The following PTPRG variants were observed in gnomAD, a reference collection of about 807,000 sequenced individuals.
The protein encoded by PTPRG is protein tyrosine phosphatase receptor type G.
A neutral mutation model predicts 165.3 loss-of-function variants in PTPRG; 102 were observed. The observed-to-expected ratio is 0.62, with a 90% CI of 0.53 to 0.73. PTPRG has a LOEUF of 0.73. Ranked by LOEUF, PTPRG falls within the 30% of genes least tolerant of loss-of-function variation. The pLI is 0.00. For synonymous variants in PTPRG, 675 were observed against 669.5 expected (o/e 1.01, Z -0.13); for missense variants, 1,866 against 1,861.4 (o/e 1.00, Z -0.05).
intron 1 of PTPRG, among the ~76,000 whole-genome samples, chr3:61,598,546 G>A (rs920405125): frequency 1.3e-5 from 2 of 152,176 alleles, no homozygotes; most frequent in African/African-American, 2.4e-5. Context: ...ATCAGTTAAG[G>A]TGTGACTCCG....
At chr3:62,265,062 C>T (rs1016525274) in intron 17 of PTPRG, among the ~76,000 whole-genome samples, 75 of 151,538 alleles carry the variant, frequency 4.9e-4, no homozygotes, top group African/African-American at 1.7e-3. Context: ...AGCATCTTTT[C>T]GTGCTTATTG....
rs113946418 is a variant in PTPRG at position 61,912,805 on chromosome 3, T to A, written c.191-76820T>A. Among the ~76,000 whole-genome samples, 490 of 152,314 alleles carry A rather than the reference T, an allele frequency of 3.2e-3. 1 individual carries two copies. The highest frequency in any genetic ancestry group is 0.011 in the African/African-American group (477 of 41,576). ...GAATCATTTTAAGAGTGGTTTGATG[T>A]GGGTATTTTAGTTTACTGGCAGGAA... On this transcript the variant is annotated intron_variant, in intron 2 of 29. Coordinates refer to ENST00000474889, the MANE Select transcript of PTPRG (RefSeq NM_002841.4).
intron 1 of PTPRG, among the ~76,000 whole-genome samples, chr3:61,637,693 C>T (rs1055463049): frequency 3.3e-5 from 5 of 152,120 alleles, no homozygotes; most frequent in Non-Finnish European, 5.9e-5. Context: ...ATTGCTTCCA[C>T]GCCTCTGTCC....
intron 12 of PTPRG, 135 bp downstream of exon 12, chr3:62,204,085 A>G: frequency 7.2e-7 from 1 of 1,393,900 alleles, no homozygotes. Flanking sequence ...TGTCATAGAA[A>G]AGGTGCACAC....
chr3:62,079,806 G>T (rs1436708543), intron 5 of PTPRG, among the ~76,000 whole-genome samples: 1 of 152,164 alleles, frequency 6.6e-6, no homozygotes, highest in Admixed American at 6.5e-5. Context: ...TTCAATCTCA[G>T]TATCCTTATC....
intron 8 of PTPRG, among the ~76,000 whole-genome samples, chr3:62,171,141 A>G (rs577875831): frequency 2.9e-4 from 44 of 152,332 alleles, no homozygotes; most frequent in African/African-American, 1.1e-3. Context: ...TTGTGTGATT[A>G]TACCTGAATA....
intron 2 of PTPRG, among the ~76,000 whole-genome samples, chr3:61,857,264 C>G (rs987455188): frequency 1.3e-5 from 2 of 152,140 alleles, no homozygotes; most frequent in African/African-American, 4.8e-5. Context: ...TGCTCAAGTT[C>G]ATACAGACCT....
intron 1 of PTPRG, among the ~76,000 whole-genome samples, chr3:61,620,241 T>TC (rs1701412863): frequency 1.3e-5 from 2 of 152,098 alleles, no homozygotes; most frequent in Non-Finnish European, 2.9e-5. Context: ...AGCTTGTGTG[T>TC]CCCCCCTACT....
intron 1 of PTPRG, among the ~76,000 whole-genome samples, chr3:61,627,102 A>AG (rs1559530287): frequency 3.5e-5 from 1 of 28,818 alleles, no homozygotes; most frequent in Non-Finnish European, 7.5e-5. Context: ...GTTAAAAGCA[A>AG]ATTTTTTTTT....
In PTPRG at chr3:61,990,037, A is replaced by G. The variant is rs918271874; in HGVS notation, c.370+233A>G. Among the ~76,000 whole-genome samples the G allele has an allele frequency of 3.3e-5, 5 of 152,096 alleles. No individual in the cohort carries two copies. The East Asian group carries it at 9.6e-4, about 29-fold the overall frequency. On this transcript the variant is annotated intron_variant, in intron 3 of 29. Coordinates refer to ENST00000474889, the MANE Select transcript of PTPRG (RefSeq NM_002841.4). ...AACTATAGATAATAAAGTATTATAC[A>G]TCTAGACCTAGGGTAGTAGTGATTA... is the stretch of plus-strand genomic sequence containing the variant.
At chr3:61,885,661 CCTCTCCTCTCCTCT>C (rs2038009673) in intron 2 of PTPRG, among the ~76,000 whole-genome samples, 1 of 30,094 alleles carries the variant, frequency 3.3e-5, no homozygotes, top group African/African-American at 1.2e-4. Context: ...TTCCTTCTCT[CCTCTCCTCTCCTCT>C]CCTCTCCTCT....
At chr3:62,009,084 C>T (rs1207593844) in intron 4 of PTPRG, among the ~76,000 whole-genome samples, 2 of 152,204 alleles carry the variant, frequency 1.3e-5, no homozygotes, top group Admixed American at 6.5e-5. Context: ...TTCTTCATAT[C>T]TGGTTTTACC....
rs1702079126 is a variant in PTPRG, at chr3:62,271,861, G to A, written c.3182+306G>A. 6.6e-6 allele frequency among the ~76,000 whole-genome samples: 1 copy of A among 152,070 alleles called. No homozygotes were observed. The highest frequency in any genetic ancestry group is 6.6e-5 in the Admixed American group (1 of 15,264). ...TCCCAGCACTTTGGGAGGCTGAGGT[G>A]GGTGGATCACTTGAGCCCAGGAGTT... On this transcript the variant is annotated intron_variant, in intron 21 of 29. Transcript: ENST00000474889. The surrounding 1 kb of genome is among the most constrained non-coding windows in gnomAD (Gnocchi z 4.1).
At chr3:62,066,987 G>A (rs1387009530) in intron 4 of PTPRG, among the ~76,000 whole-genome samples, 9 of 146,586 alleles carry the variant, frequency 6.1e-5, no homozygotes, top group Admixed American at 1.4e-4. Context: ...GCAGTGAGCC[G>A]AGATCACGCC....
chr3:61,982,561 A>G (rs1287941940), intron 2 of PTPRG, among the ~76,000 whole-genome samples: 1 of 152,168 alleles, frequency 6.6e-6, no homozygotes, highest in Admixed American at 6.5e-5. Flanking sequence ...TAATAATGTC[A>G]TATTATACAC....
chr3:62,027,017 C>T (rs905443077), intron 4 of PTPRG, among the ~76,000 whole-genome samples: 4 of 151,760 alleles, frequency 2.6e-5, no homozygotes, highest in African/African-American at 9.7e-5. Context: ...TCTGCTCTTC[C>T]TATTGTTGTT....
At chr3:61,829,979 C>A (rs1489378699) in intron 2 of PTPRG, among the ~76,000 whole-genome samples, 2 of 152,190 alleles carry the variant, frequency 1.3e-5, no homozygotes, top group Non-Finnish European at 2.9e-5. Context: ...CTTGTATCCT[C>A]CACATGGTGG....
In PTPRG at chr3:62,191,570, A is replaced by G. The variant is rs1460555759; in HGVS notation, c.1135A>G (p.Met379Val). The G allele has an allele frequency of 2.5e-6, 4 of 1,614,026 alleles. No individual in the cohort carries two copies. The highest frequency in any genetic ancestry group is 3.4e-6 in the Non-Finnish European group (4 of 1,180,012). The change falls in exon 9 of 30, where the codon ATG (methionine) becomes GTG (valine). Residue 379 changes from methionine (M) to valine (V), a missense_variant. Around this residue, in one of 3 missense-constraint regions of PTPRG, gnomAD observed 1,452 missense variants for 1,463.0 expected, o/e 0.99. Transcript: ENST00000474889. ...GGAGACTATCTACCACCCACCCATC[A>G]TGAACTACATGATCTCCTACAGCTG... ...QPETIYHPPI[M>V]NYMISYSWTK...
intron 5 of PTPRG, among the ~76,000 whole-genome samples, chr3:62,118,958 C>G (rs1277111085): frequency 2.0e-5 from 3 of 152,222 alleles, no homozygotes; most frequent in Non-Finnish European, 4.4e-5. Flanking sequence ...TGCTTCACCT[C>G]TTTAATAGCT....
Sources: gnomAD v4.1 joint callset for allele counts (sites outside exome capture counted in the v4.1 genomes callset) on GRCh38, gnomAD v4.1.1 for gene constraint, gnomAD v4.1.1 regional missense constraint, Gnocchi (gnomAD v3.1) non-coding constraint, MANE v1.5 for transcripts, NCBI Gene and HGNC (gene_info 2026-07-23, HGNC 2026-07-21) for gene names.